The following GDAP1 variants were observed in gnomAD, a reference collection of about 807,000 sequenced individuals.
GDAP1 encodes the protein ganglioside induced differentiation associated protein 1, also known as ganglioside-induced differentiation-associated protein 1.
In GDAP1, 34 loss-of-function variants were observed where a neutral mutation model predicts 40.1. The ratio of observed to expected loss-of-function variants is 0.85; its 90% confidence interval spans 0.64 to 1.13. The LOEUF is 1.13. Among genes scored for constraint, GDAP1 ranks in the 50% most tolerant of loss-of-function variants. The pLI is 0.00. For missense variants in GDAP1, 374 were observed against 433.7 expected, an observed-to-expected ratio of 0.86 and a Z score of 1.22; for synonymous variants, 170 against 157.4, an observed-to-expected ratio of 1.08 and a Z score of -0.60.
chr8:74,437,380 G>T (rs770343634), intron 2 of GDAP1, among the ~76,000 whole-genome samples: 1 of 152,084 alleles, frequency 6.6e-6, no homozygotes, highest in Non-Finnish European at 1.5e-5. Flanking sequence ...ACTTAATCTT[G>T]AATTACATGC....
chr8:74,427,625 C>CT (rs1183429125), intron 2 of GDAP1, among the ~76,000 whole-genome samples: 2 of 152,030 alleles, frequency 1.3e-5, no homozygotes, highest in African/African-American at 4.8e-5. Flanking sequence ...CCCTGAGAGG[C>CT]TTTTTTTGAA....
intron 2 of GDAP1, among the ~76,000 whole-genome samples, chr8:74,434,465 C>T (rs1198737114): frequency 6.6e-6 from 1 of 152,178 alleles, no homozygotes; most frequent in Non-Finnish European, 1.5e-5. Flanking sequence ...TGAACATAAT[C>T]AAGTGCCAGA....
At chr8:74,361,375 C>T (rs1452761886) in intron 3 of GDAP1, among the ~76,000 whole-genome samples, 3 of 151,980 alleles carry the variant, frequency 2.0e-5, no homozygotes, top group Non-Finnish European at 4.4e-5. Context: ...ATTTAGTCTT[C>T]ATGGCAGATA....
intron 2 of GDAP1, among the ~76,000 whole-genome samples, chr8:74,402,353 C>T (rs1023555007): frequency 4.7e-5 from 7 of 150,350 alleles, no homozygotes; most frequent in Admixed American, 6.6e-5. Flanking sequence ...TAGGACCCTC[C>T]GAGCCAGTTG....
intron 2 of GDAP1, among the ~76,000 whole-genome samples, chr8:74,384,727 A>T (rs977701012): frequency 1.3e-5 from 2 of 152,182 alleles, no homozygotes; most frequent in Non-Finnish European, 2.9e-5. Flanking sequence ...ACTAAGTAAC[A>T]CTGTAAGAAG....
At chr8:74,370,701 CAG>C (rs370838561), downstream of GDAP1, among the ~76,000 whole-genome samples, 3 of 152,128 alleles carry the variant, frequency 2.0e-5, no homozygotes, top group African/African-American at 7.2e-5. Context: ...AATTGAAGGT[CAG>C]AGATCAGATA....
chr8:74,459,192 A>G (rs1402964184), intron 2 of GDAP1, among the ~76,000 whole-genome samples: 2 of 152,168 alleles, frequency 1.3e-5, no homozygotes, highest in African/African-American at 4.8e-5. Flanking sequence ...TAAGAAAACA[A>G]AAGCAGAGAA....
At chr8:74,450,605 C>T (rs1047020709) in intron 2 of GDAP1, among the ~76,000 whole-genome samples, 3 of 151,844 alleles carry the variant, frequency 2.0e-5, no homozygotes, top group African/African-American at 7.2e-5. Flanking sequence ...GTAACCACTT[C>T]AGTTTCCTTG....
intron 2 of GDAP1, among the ~76,000 whole-genome samples, chr8:74,468,237 T>G (rs1182599878): frequency 6.6e-6 from 1 of 152,094 alleles, no homozygotes; most frequent in Admixed American, 6.5e-5. Context: ...TTCAGTGGTT[T>G]CTCACCTATA....
intron 2 of GDAP1, among the ~76,000 whole-genome samples, chr8:74,396,805 G>A (rs1309784632): frequency 4.6e-5 from 7 of 152,026 alleles, no homozygotes; most frequent in African/African-American, 1.2e-4. Flanking sequence ...GAATAGTGCC[G>A]CAATAAACAT....
chr8:74,458,068 A>G (rs189187921), intron 2 of GDAP1, among the ~76,000 whole-genome samples: 211 of 152,182 alleles, frequency 1.4e-3, no homozygotes, highest in Non-Finnish European at 2.5e-4. Context: ...CCTAAAACAT[A>G]GAGTTGAAGT....
At chr8:74,350,648 C>A in intron 1 of GDAP1, 70 bp downstream of exon 1, 1 of 994,678 alleles carries the variant, frequency 1.0e-6, no homozygotes, top group Non-Finnish European at 1.6e-6. Flanking sequence ...CCTTCTGAGT[C>A]CCGCCCAGGG....
At chr8:74,397,679 T>C (rs1362662834) in intron 2 of GDAP1, among the ~76,000 whole-genome samples, 1 of 152,092 alleles carries the variant, frequency 6.6e-6, no homozygotes, top group African/African-American at 2.4e-5. Flanking sequence ...TATGCGGCAT[T>C]ATTTCTGAGG....
intron 2 of GDAP1, among the ~76,000 whole-genome samples, chr8:74,470,320 G>A (rs1036400774): frequency 7.2e-5 from 11 of 152,136 alleles, no homozygotes; most frequent in Non-Finnish European, 1.2e-4. Context: ...GGTTACATAT[G>A]TATACATGTG....
downstream of GDAP1, among the ~76,000 whole-genome samples, chr8:74,370,255 G>A (rs1221750066): frequency 2.0e-5 from 3 of 152,186 alleles, no homozygotes; most frequent in Non-Finnish European, 4.4e-5. Flanking sequence ...TATGTAAAAT[G>A]TAAATTTCTG....
intron 2 of GDAP1, among the ~76,000 whole-genome samples, chr8:74,381,474 G>T (rs1344326413): frequency 6.6e-6 from 1 of 151,954 alleles, no homozygotes; most frequent in Non-Finnish European, 1.5e-5. Flanking sequence ...AAGTAAGTAG[G>T]GCTGGGTATG....
intron 2 of GDAP1, among the ~76,000 whole-genome samples, chr8:74,356,659 A>AGTGTGTGTGTGTGT (rs144717682): frequency 1.6e-5 from 2 of 122,994 alleles, no homozygotes; most frequent in South Asian, 2.5e-4. Context: ...AATATTATTT[A>AGTGTGTGTGTGTGT]GTGTGTGTGT....
chr8:74,468,468 A>C (rs1226338495), intron 2 of GDAP1, among the ~76,000 whole-genome samples: 1 of 134,736 alleles, frequency 7.4e-6, no homozygotes. Flanking sequence ...TATATATGTA[A>C]ATGACCCCAT....
Position 74,448,582 on chromosome 8 carries a change from C to G in GDAP1, c.166-40096C>G, listed in dbSNP as rs4308721. Among the ~76,000 whole-genome samples the G allele has an allele frequency of 5.6e-4, 85 of 152,202 alleles. No individual in the cohort carries two copies. The South Asian group carries it at 0.017, about 31-fold the overall frequency. On this transcript the variant is annotated intron_variant, in intron 2 of 2. Coordinates refer to the GDAP1 transcript ENST00000523640. ...GTGTTCTAGTTGCTCCATGTCCTCA[C>G]TAACATTTTATTGTTGTTCGTTTTA...
Sources: gnomAD v4.1 joint callset for allele counts (sites outside exome capture counted in the v4.1 genomes callset) on GRCh38, gnomAD v4.1.1 for gene constraint, MANE v1.5 for transcripts, NCBI Gene and HGNC (gene_info 2026-07-23, HGNC 2026-07-21) for gene names.